Variants in TBC1D12 observed in about 807,000 individuals in gnomAD.
The protein encoded by TBC1D12 is TBC1 domain family, member 12.
TBC1D12 carries 56 observed loss-of-function variants against 86.7 expected under a neutral mutation model. The ratio of observed to expected loss-of-function variants is 0.65; its 90% confidence interval spans 0.52 to 0.81. TBC1D12 has a LOEUF of 0.81. TBC1D12 is among the 30% of genes least tolerant of loss of function. The probability of loss-of-function intolerance (pLI) is 0.00; values close to 1 mark genes in which losing one functional copy is unlikely to be tolerated. For synonymous variants in TBC1D12, 421 were observed against 411.7 expected (o/e 1.02, Z -0.27); for missense variants, 1,023 against 1,038.8 (o/e 0.98, Z 0.21).
chr10:94,465,740 A>G (rs963168167), intron 2 of TBC1D12, among the ~76,000 whole-genome samples: 4 of 146,308 alleles, frequency 2.7e-5, no homozygotes, highest in African/African-American at 1.1e-4. Context: ...ACATACGTAT[A>G]CATACATACA....
chr10:94,434,967 G>T (rs2134081373), intron 1 of TBC1D12, among the ~76,000 whole-genome samples: 1 of 152,210 alleles, frequency 6.6e-6, no homozygotes, highest in Non-Finnish European at 1.5e-5. Flanking sequence ...TGAATTTTGG[G>T]GAACACATTC....
chr10:94,426,486 C>T (rs1003890884), intron 1 of TBC1D12, among the ~76,000 whole-genome samples: 3 of 152,138 alleles, frequency 2.0e-5, no homozygotes, highest in Admixed American at 2.0e-4. Context: ...TCATCAATGA[C>T]TTTCAAGTGT....
intron 9 of TBC1D12, among the ~76,000 whole-genome samples, chr10:94,521,228 A>C (rs571313097): frequency 1.2e-4 from 17 of 145,000 alleles, no homozygotes; most frequent in South Asian, 1.1e-3. Flanking sequence ...AACCAAAAAA[A>C]AAAAAAAAAC....
chr10:94,488,217 C>G lies in TBC1D12; in HGVS notation c.1212-5148C>G, dbSNP rs1047005583. On this transcript the variant is annotated intron_variant, in intron 3 of 12. Coordinates refer to ENST00000225235, the MANE Select transcript of TBC1D12 (RefSeq NM_015188.2). ...CCTGGCCAACATGGTGAAACCCTGT[C>G]CCTACTAAAACAATACAAAAATTAG... Among the ~76,000 whole-genome samples the G allele has an allele frequency of 1.1e-4, 17 of 150,868 alleles. 3 individuals are homozygous for G. The highest frequency in any genetic ancestry group is 8.6e-4 in the Admixed American group (13 of 15,102).
rs1262408378 is a variant in TBC1D12 at position 94,402,701 on chromosome 10, A to T, written c.88A>T (p.Arg30Trp). ...TGCGCCGGACCCCGTGGGCCAGGAC[A>T]GGAAGGTAATCCGGGCCACGGGCGG... ...VPAPDPVGQD[R>W]KVIRATGGFG... The change falls in exon 1 of 13, where the codon AGG (arginine) becomes TGG (tryptophan). Residue 30 changes from arginine (R) to tryptophan (W), a missense_variant. By Grantham distance (101) the Arg-to-Trp change is moderately radical. Coordinates refer to ENST00000225235, the MANE Select transcript of TBC1D12 (RefSeq NM_015188.2). The T allele has an allele frequency of 1.3e-6, 2 of 1,596,454 alleles. No homozygotes were observed. The highest frequency in any genetic ancestry group is 1.7e-6 in the Non-Finnish European group (2 of 1,171,812).
At position 94,403,151 on chromosome 10, in the gene TBC1D12, G is replaced by C; in HGVS notation, c.538G>C (p.Glu180Gln). The C allele has an allele frequency of 7.0e-6, 10 of 1,429,708 alleles. No individual in the cohort carries two copies. The highest frequency in any genetic ancestry group is 9.1e-6 in the Non-Finnish European group (10 of 1,097,698). 88.6% of individuals were successfully genotyped at this position (1,429,708 alleles called of 1,614,324 possible). The change falls in exon 1 of 13, where the codon GAG (glutamate) becomes CAG (glutamine). Residue 180 changes from glutamate (E) to glutamine (Q), a missense_variant. Around this residue, in one of 2 missense-constraint regions of TBC1D12, gnomAD observed 628 missense variants for 531.1 expected, o/e 1.18. Coordinates refer to ENST00000225235, the MANE Select transcript of TBC1D12 (RefSeq NM_015188.2). ...GRLRLEGPGD[E>Q]DADGAGSPSD... is the part of the protein sequence containing the mutation. ...CCTTCGCCTGGAGGGGCCTGGCGAC[G>C]AGGACGCGGACGGCGCGGGAAGCCC...
intron 2 of TBC1D12, among the ~76,000 whole-genome samples, chr10:94,453,654 G>T (rs1321485590): frequency 2.1e-4 from 32 of 152,216 alleles, no homozygotes; most frequent in African/African-American, 7.0e-4. Flanking sequence ...TTTTTTTGTA[G>T]ATCATGCCTT....
chr10:94,518,090 G>T (rs1029526059), intron 9 of TBC1D12, among the ~76,000 whole-genome samples: 1 of 152,064 alleles, frequency 6.6e-6, no homozygotes, highest in Non-Finnish European at 1.5e-5. Flanking sequence ...GGAGACGGAT[G>T]TTGTAGTGAG....
At chr10:94,465,863 C>T (rs1026047170) in intron 2 of TBC1D12, among the ~76,000 whole-genome samples, 3 of 150,752 alleles carry the variant, frequency 2.0e-5, no homozygotes, top group Non-Finnish European at 4.4e-5. Flanking sequence ...TGCATACATA[C>T]ATATATACAC....
chr10:94,497,899 T>C (rs2056345587), intron 5 of TBC1D12, among the ~76,000 whole-genome samples: 1 of 149,510 alleles, frequency 6.7e-6, no homozygotes, highest in Admixed American at 6.7e-5. Context: ...CTCGGCTCAC[T>C]GCAAGCTCCG....
At chr10:94,458,129 G>C (rs1388680519) in intron 2 of TBC1D12, among the ~76,000 whole-genome samples, 3 of 152,142 alleles carry the variant, frequency 2.0e-5, no homozygotes, top group Non-Finnish European at 4.4e-5. Flanking sequence ...AATATTGAGA[G>C]AGGGGGCCTT....
At position 94,457,551 on chromosome 10, in the gene TBC1D12, AT is replaced by A. The variant is rs1294269977; in HGVS notation, c.1095+15534del. Among the ~76,000 whole-genome samples, 4 of 152,242 alleles carry A rather than the reference AT, an allele frequency of 2.6e-5. No homozygotes were observed. In the East Asian group the frequency reaches 7.7e-4, roughly 29 times the overall value. ...TGCTATGGCCTCCAAAAGTGCTGGG[AT>A]TACAGGCATGAGCCACCATGCTTGG... On this transcript the variant is annotated intron_variant, in intron 2 of 12. Transcript: ENST00000225235.
intron 1 of TBC1D12, among the ~76,000 whole-genome samples, chr10:94,430,967 T>A (rs1483558146): frequency 6.6e-6 from 1 of 152,182 alleles, no homozygotes; most frequent in East Asian, 1.9e-4. Flanking sequence ...AGATGGTGTG[T>A]TTGTGTCTGT....
rs1252972008 is a variant in TBC1D12 at position 94,403,957 on chromosome 10, A to T, written c.971+373A>T. 1.3e-4 allele frequency among the ~76,000 whole-genome samples: 20 copies of T among 152,068 alleles called. 1 individual carries two copies. Among genetic ancestry groups the T allele is most frequent in the Admixed American group, 1.3e-3 (20 of 15,270 alleles). The stretch of plus-strand genomic sequence containing the variant: ...ATAACCATCTCCGTCTCCAATTTTT[A>T]AAAATTTTACTACAAACATTTAGGT... On this transcript the variant is annotated intron_variant, in intron 1 of 12. Transcript: ENST00000225235.
intron 1 of TBC1D12, among the ~76,000 whole-genome samples, chr10:94,425,439 A>G (rs941238557): frequency 5.3e-5 from 8 of 152,238 alleles, no homozygotes; most frequent in African/African-American, 1.7e-4. Context: ...CAGTGAGTGC[A>G]GGGCATTGTG....
At chr10:94,444,512 G>A (rs553359714) in intron 2 of TBC1D12, among the ~76,000 whole-genome samples, 7 of 152,120 alleles carry the variant, frequency 4.6e-5, no homozygotes, top group Non-Finnish European at 8.8e-5. Flanking sequence ...AGGCAAAACG[G>A]TGGTCTTGCT....
intron 1 of TBC1D12, among the ~76,000 whole-genome samples, chr10:94,405,525 C>G (rs1470517646): frequency 1.3e-5 from 2 of 152,126 alleles, no homozygotes; most frequent in Admixed American, 1.3e-4. Context: ...TCTAAAAGAT[C>G]TCAAGGTGAG....
chr10:94,495,457 A>G (rs1387111119), intron 4 of TBC1D12, among the ~76,000 whole-genome samples: 2 of 152,168 alleles, frequency 1.3e-5, no homozygotes, highest in Admixed American at 1.3e-4. Flanking sequence ...GGCATGAACC[A>G]CTGTGCCTGG....
chr10:94,531,583 C>A lies in TBC1D12; in HGVS notation c.2259+123C>A, dbSNP rs1159166014. 6.9e-6 allele frequency: 7 copies of A among 1,014,144 alleles called. No individual in the cohort carries two copies. The South Asian group carries it at 2.3e-4, about 34-fold the overall frequency. 62.8% of individuals were successfully genotyped at this position (1,014,144 alleles called of 1,614,324 possible). On this transcript the variant is annotated intron_variant, in intron 12 of 12. Transcript: ENST00000225235. ...GTCTTTTAAAAATAATTTTTGACTTCTAAGAAGCAAGAGTTTAAATCAAAT... is the reference window on the plus strand; with the variant it reads ...GTCTTTTAAAAATAATTTTTGACTTATAAGAAGCAAGAGTTTAAATCAAAT...
Sources: allele counts gnomAD v4.1 joint callset (sites outside exome capture counted in the v4.1 genomes callset), GRCh38; gene constraint gnomAD v4.1.1; regional missense constraint gnomAD v4.1.1; transcripts MANE v1.5; gene names NCBI Gene and HGNC (gene_info 2026-07-23, HGNC 2026-07-21).